The following KALRN variants were observed in gnomAD, a reference collection of about 807,000 sequenced individuals.
KALRN encodes kalirin RhoGEF kinase, also known as kalirin.
A neutral mutation model predicts 353.7 loss-of-function variants in KALRN; 70 were observed. That is an observed-to-expected ratio of 0.20 (90% CI 0.16 to 0.24). The LOEUF (loss-of-function observed/expected upper bound fraction) is 0.24, where lower values mean the gene tolerates loss of function less well. KALRN is among the 10% of genes least tolerant of loss of function. The pLI, the probability that KALRN is intolerant of heterozygous loss-of-function variation, is 1.00. For synonymous variants in KALRN, 1,391 were observed against 1,434.8 expected, an observed-to-expected ratio of 0.97 and a Z score of 0.69; for missense variants, 2,791 against 3,756.7, an observed-to-expected ratio of 0.74 and a Z score of 6.72.
chr3:124,125,692 G>A (rs1296207201), intron 1 of KALRN, among the ~76,000 whole-genome samples: 2 of 152,164 alleles, frequency 1.3e-5, no homozygotes, highest in Non-Finnish European at 2.9e-5. Flanking sequence ...TCCTAGAAAT[G>A]CTTTCAACAC....
intron 33 of KALRN, among the ~76,000 whole-genome samples, chr3:124,510,819 C>T (rs540239040): frequency 6.6e-6 from 1 of 152,166 alleles, no homozygotes; most frequent in Non-Finnish European, 1.5e-5. Context: ...CTTTAAAACT[C>T]CCCATTCTTC....
intron 6 of KALRN, among the ~76,000 whole-genome samples, chr3:124,315,334 C>T (rs560045427): frequency 5.9e-5 from 9 of 152,312 alleles, no homozygotes; most frequent in Admixed American, 2.0e-4. Flanking sequence ...GTTTAGGCAG[C>T]CTTCTCAGTT....
At chr3:124,210,528 T>C (rs2076815035) in intron 1 of KALRN, among the ~76,000 whole-genome samples, 2 of 152,180 alleles carry the variant, frequency 1.3e-5, no homozygotes, top group Admixed American at 1.3e-4. Context: ...GCAAAGCAGA[T>C]TTAGGCAATG....
chr3:124,356,570 G>C (rs1286409693), intron 10 of KALRN, among the ~76,000 whole-genome samples: 1 of 151,980 alleles, frequency 6.6e-6, no homozygotes, highest in Non-Finnish European at 1.5e-5. Context: ...CTGACCTCAG[G>C]TGATTGCCCA....
At chr3:124,346,121 A>G (rs1482568260) in intron 9 of KALRN, among the ~76,000 whole-genome samples, 1 of 152,172 alleles carries the variant, frequency 6.6e-6, no homozygotes, top group East Asian at 1.9e-4. Flanking sequence ...TCTATACTGT[A>G]ATTCTGATTT....
chr3:124,199,465 C>A (rs1271578956), intron 1 of KALRN, among the ~76,000 whole-genome samples: 1 of 152,206 alleles, frequency 6.6e-6, no homozygotes, highest in Non-Finnish European at 1.5e-5. Context: ...GAGTGACAAG[C>A]TAGTTTCCTT....
intron 1 of KALRN, among the ~76,000 whole-genome samples, chr3:124,063,296 A>T (rs142385618): frequency 1.1e-3 from 164 of 152,342 alleles, no homozygotes; most frequent in African/African-American, 3.6e-3. Context: ...TTAAGAGGGC[A>T]ACAGGAAAAG....
chr3:124,673,335 A>G (rs1429452914), intron 48 of KALRN, among the ~76,000 whole-genome samples: 1 of 152,142 alleles, frequency 6.6e-6, no homozygotes. Context: ...ACAGTGAGCT[A>G]TGACTCTGCC....
intron 25 of KALRN, among the ~76,000 whole-genome samples, chr3:124,468,369 G>A (rs1674142164): frequency 6.6e-6 from 1 of 151,942 alleles, no homozygotes; most frequent in Non-Finnish European, 1.5e-5. Flanking sequence ...ATGGCTGCAC[G>A]GCAGAGCGCT....
rs374247704 is a variant in KALRN, at chr3:124,487,453, G to A, written c.4285-751G>A. Among the ~76,000 whole-genome samples, 16 of 152,330 alleles carry A rather than the reference G, an allele frequency of 1.1e-4. No homozygotes were observed. The South Asian group carries it at 3.3e-3, about 32-fold the overall frequency. ...AGAATATAGGAGAGACAGGGTTGAT[G>A]TGGTGGATAAAGTGCCAGACTTGGA... On this transcript the variant is annotated intron_variant, in intron 28 of 59. Transcript: ENST00000682506.
intron 1 of KALRN, among the ~76,000 whole-genome samples, chr3:124,118,104 G>C: frequency 6.6e-6 from 1 of 152,192 alleles, no homozygotes; most frequent in South Asian, 2.1e-4. Context: ...GGCTGGCATG[G>C]AGGTAGGCAG....
At chr3:124,193,963 T>C (rs945486256) in intron 1 of KALRN, among the ~76,000 whole-genome samples, 7 of 152,224 alleles carry the variant, frequency 4.6e-5, no homozygotes, top group Admixed American at 2.6e-4. Flanking sequence ...TTCTGACTTA[T>C]GAAATTCTGT....
intron 9 of KALRN, among the ~76,000 whole-genome samples, chr3:124,344,479 A>G (rs1305984449): frequency 6.6e-6 from 1 of 152,256 alleles, no homozygotes; most frequent in Admixed American, 6.5e-5. Context: ...TGATGGCTCT[A>G]AATGAACTGT....
intron 1 of KALRN, among the ~76,000 whole-genome samples, chr3:124,066,943 A>G (rs2042412479): frequency 6.6e-6 from 1 of 152,244 alleles, no homozygotes; most frequent in Non-Finnish European, 1.5e-5. Context: ...TCCATACTCT[A>G]GCTACGTAAG....
chr3:124,725,685 A>G lies in KALRN; in HGVS notation c.*6215A>G, dbSNP rs1307510970. ...TTGACATCCACAAAGCCAAACTAAC[A>G]AAGTGTGAAACATAAAGGGGCCATC... On this transcript the variant is annotated 3_prime_UTR_variant, in exon 60 of 60. Coordinates refer to ENST00000682506, the MANE Select transcript of KALRN (RefSeq NM_001388419.1). 6.6e-6 allele frequency: 1 copy of G among 152,232 alleles called. No homozygotes were observed. The highest frequency in any genetic ancestry group is 1.5e-5 in the Non-Finnish European group (1 of 68,038). 9.4% of individuals were successfully genotyped at this position (152,232 alleles called of 1,614,324 possible). A position where few individuals can be genotyped will look rare whatever the true frequency, so the allele number is the denominator to read the frequency against.
intron 34 of KALRN, 58 bp downstream of exon 34, chr3:124,563,147 ACT>A: frequency 7.5e-7 from 1 of 1,327,290 alleles, no homozygotes; most frequent in Non-Finnish European, 1.0e-6. Context: ...CGCTGGCCTG[ACT>A]CTAGCTGAAG....
intron 47 of KALRN, among the ~76,000 whole-genome samples, chr3:124,670,148 A>C (rs1415181552): frequency 1.3e-5 from 2 of 151,928 alleles, no homozygotes; most frequent in Non-Finnish European, 2.9e-5. Context: ...CAGAAATGCT[A>C]ATTTTTGTAT....
intron 24 of KALRN, 27 bp from the exon 25 acceptor site, chr3:124,462,497 A>G (rs1489450738): frequency 1.5e-6 from 2 of 1,337,464 alleles, no homozygotes; most frequent in South Asian, 2.4e-5. Context: ...CAGACTTGCC[A>G]GTGATGAAAC....
At chr3:124,473,751 G>A (rs540993942) in intron 25 of KALRN, among the ~76,000 whole-genome samples, 1 of 152,246 alleles carries the variant, frequency 6.6e-6, no homozygotes, top group South Asian at 2.1e-4. Flanking sequence ...ATAGCTACAG[G>A]AAAATTTACA....
Sources: gnomAD v4.1 joint callset for allele counts (sites outside exome capture counted in the v4.1 genomes callset) on GRCh38, gnomAD v4.1.1 for gene constraint, MANE v1.5 for transcripts, NCBI Gene and HGNC (gene_info 2026-07-23, HGNC 2026-07-21) for gene names.